The following SRBD1 variants were observed in gnomAD, a reference collection of about 807,000 sequenced individuals.
The protein encoded by SRBD1 is S1 RNA-binding domain-containing protein 1.
In SRBD1, 88 loss-of-function variants were observed where a neutral mutation model predicts 115.3. That is an observed-to-expected ratio of 0.76 (90% confidence interval 0.64 to 0.91). The LOEUF (loss-of-function observed/expected upper bound fraction) is 0.91. Ranked by LOEUF, SRBD1 falls within the 40% of genes least tolerant of loss-of-function variation. The probability of loss-of-function intolerance (pLI) is 0.00; values close to 1 mark genes in which losing one functional copy is unlikely to be tolerated. For missense variants in SRBD1, 1,385 were observed against 1,177.4 expected, an observed-to-expected ratio of 1.18 and a Z score of -2.58; for synonymous variants, 509 against 407.7, an observed-to-expected ratio of 1.25 and a Z score of -2.99.
intron 19 of SRBD1, among the ~76,000 whole-genome samples, chr2:45,407,566 C>T (rs1207310379): frequency 6.6e-6 from 1 of 152,114 alleles, no homozygotes; most frequent in African/African-American, 2.4e-5. Context: ...TATACTTCAG[C>T]CCCTATCACA....
chr2:45,527,363 T>C (rs1018546566), intron 14 of SRBD1, among the ~76,000 whole-genome samples: 1 of 151,820 alleles, frequency 6.6e-6, no homozygotes, highest in Non-Finnish European at 1.5e-5. Flanking sequence ...ATATATTAAA[T>C]GTTATGGAAG....
intron 14 of SRBD1, among the ~76,000 whole-genome samples, chr2:45,500,818 A>G (rs528432063): frequency 2.1e-4 from 32 of 152,340 alleles, no homozygotes; most frequent in Middle Eastern, 3.4e-3. Flanking sequence ...TTTTGAAAAT[A>G]TAAGATGGTG....
chr2:45,565,177 G>T (rs1421848037), intron 9 of SRBD1, among the ~76,000 whole-genome samples: 2 of 152,052 alleles, frequency 1.3e-5, no homozygotes, highest in African/African-American at 4.8e-5. Flanking sequence ...GAATAGCCAA[G>T]TCAATTTTTA....
At chr2:45,542,617 T>C (rs756422514) in intron 14 of SRBD1, among the ~76,000 whole-genome samples, 1 of 152,222 alleles carries the variant, frequency 6.6e-6, no homozygotes, top group East Asian at 1.9e-4. Flanking sequence ...GGTACAACCA[T>C]CTTGGGAAAA....
At chr2:45,467,436 C>G (rs1017489321) in intron 16 of SRBD1, among the ~76,000 whole-genome samples, 2 of 152,162 alleles carry the variant, frequency 1.3e-5, no homozygotes, top group African/African-American at 4.8e-5. Flanking sequence ...AATGACAGTA[C>G]CATTACTGTA....
intron 2 of SRBD1, among the ~76,000 whole-genome samples, chr2:45,603,269 T>C (rs1674158408): frequency 6.6e-6 from 1 of 152,222 alleles, no homozygotes; most frequent in Admixed American, 6.5e-5. Context: ...GATATAGTTC[T>C]AAGGCAGCTA....
In SRBD1 at chr2:45,498,716, T is replaced by C. The variant is rs191719564; in HGVS notation, c.1875-10385A>G. Among the ~76,000 whole-genome samples, 544 of 152,310 alleles carry C rather than the reference T, an allele frequency of 3.6e-3. 4 individuals are homozygous for C. The highest frequency in any genetic ancestry group is 6.5e-3 in the Non-Finnish European group (444 of 68,014). On this transcript the variant is annotated intron_variant, in intron 14 of 20. Coordinates refer to ENST00000263736, the MANE Select transcript of SRBD1 (RefSeq NM_018079.5). ...TCTGTCTCCATGAGGTCAACTTTTT[T>C]GTCTCCCATATGAGTGAGAACATGC...
chr2:45,419,929 G>A, intron 16 of SRBD1, 35 bp from the exon 17 acceptor site: 3 of 1,571,562 alleles, frequency 1.9e-6, no homozygotes, highest in African/African-American at 2.7e-5. Context: ...AACAGTGAAG[G>A]AGATGTAGTT....
intron 16 of SRBD1, among the ~76,000 whole-genome samples, chr2:45,439,291 G>C (rs184349017): frequency 1.3e-5 from 2 of 151,738 alleles, no homozygotes; most frequent in African/African-American, 2.4e-5. Flanking sequence ...AAAATTGTGC[G>C]TGTTTATTCT....
intron 14 of SRBD1, among the ~76,000 whole-genome samples, chr2:45,538,597 C>A (rs1005022395): frequency 5.9e-5 from 9 of 152,138 alleles, no homozygotes; most frequent in African/African-American, 2.2e-4. Context: ...CTAAGAGGGA[C>A]TGAAAAGGCT....
In SRBD1 at chr2:45,487,577, C is replaced by T. The variant is rs115626274; in HGVS notation, c.1966+663G>A. ...CAAATATTTTTATGTTACTGTATTA[C>T]TTTTTGCCAATAAAAAGCTTCAATA... On this transcript the variant is annotated intron_variant, in intron 15 of 20. Transcript: ENST00000263736. Among the ~76,000 whole-genome samples the T allele has an allele frequency of 9.0e-3, 1,364 of 152,142 alleles. 26 individuals carry two copies. The highest frequency in any genetic ancestry group is 0.029 in the African/African-American group (1,210 of 41,508).
At chr2:45,454,856 ATTCT>A in intron 16 of SRBD1, among the ~76,000 whole-genome samples, 1 of 152,046 alleles carries the variant, frequency 6.6e-6, no homozygotes, top group Non-Finnish European at 1.5e-5. Flanking sequence ...TCTTGTTTCT[ATTCT>A]AATTTGAATC....
chr2:45,571,764 G>T (rs558264310), intron 9 of SRBD1, among the ~76,000 whole-genome samples: 2 of 151,868 alleles, frequency 1.3e-5, no homozygotes, highest in East Asian at 1.9e-4. Context: ...AATGTGCCAG[G>T]GGTTCAACAG....
At chr2:45,455,559 C>T (rs1669126428) in intron 16 of SRBD1, among the ~76,000 whole-genome samples, 1 of 151,712 alleles carries the variant, frequency 6.6e-6, no homozygotes, top group Admixed American at 6.6e-5. Context: ...AAGAGGAAAG[C>T]CATTATCCTA....
chr2:45,543,978 G>A (rs1332497418), intron 14 of SRBD1, among the ~76,000 whole-genome samples: 1 of 152,124 alleles, frequency 6.6e-6, no homozygotes, highest in African/African-American at 2.4e-5. Flanking sequence ...GGGCTCTTCT[G>A]AAAGAAAATG....
chr2:45,443,790 T>C (rs2103717818), intron 16 of SRBD1, among the ~76,000 whole-genome samples: 1 of 137,072 alleles, frequency 7.3e-6, no homozygotes, highest in South Asian at 2.4e-4. Flanking sequence ...ATGCAAATAG[T>C]TCTGAAGTTA....
intron 4 of SRBD1, among the ~76,000 whole-genome samples, chr2:45,596,682 C>T (rs573565384): frequency 4.6e-5 from 7 of 151,978 alleles, no homozygotes; most frequent in Non-Finnish European, 1.0e-4. Flanking sequence ...TCTAAAGTGC[C>T]TAGTACAGAG....
intron 15 of SRBD1, among the ~76,000 whole-genome samples, chr2:45,487,671 A>C (rs927923601): frequency 6.6e-6 from 1 of 151,966 alleles, no homozygotes; most frequent in African/African-American, 2.4e-5. Context: ...TAGTATTATT[A>C]TTTGAGAGAG....
chr2:45,410,393 T>C (rs73925643), intron 19 of SRBD1, among the ~76,000 whole-genome samples: 7,353 of 152,054 alleles, frequency 0.048, 596 homozygotes, highest in African/African-American at 0.17. Flanking sequence ...CTAAGATAAA[T>C]GAAAACAAAG....
Sources: gnomAD v4.1 joint callset for allele counts (sites outside exome capture counted in the v4.1 genomes callset) on GRCh38, gnomAD v4.1.1 for gene constraint, MANE v1.5 for transcripts, NCBI Gene and HGNC (gene_info 2026-07-23, HGNC 2026-07-21) for gene names.